The following HOMER2 variants were observed in gnomAD, a reference collection of about 807,000 sequenced individuals.
HOMER2 encodes homer scaffold protein 2.
HOMER2 carries 27 observed loss-of-function variants against 47.0 expected under a neutral mutation model. That is an observed-to-expected ratio of 0.57 (90% CI 0.42 to 0.79). The LOEUF is 0.79. HOMER2 is among the 30% of genes least tolerant of loss of function. The pLI is 0.00. For missense variants in HOMER2, 443 were observed against 435.0 expected (o/e 1.02, Z -0.16); for synonymous variants, 161 against 163.8 (o/e 0.98, Z 0.13).
intron 1 of HOMER2, among the ~76,000 whole-genome samples, chr15:82,963,411 A>G (rs1445321145): frequency 6.6e-6 from 1 of 152,108 alleles, no homozygotes; most frequent in African/African-American, 2.4e-5. Flanking sequence ...CTGAAATGAC[A>G]TGGACCCTTG....
intron 1 of HOMER2, among the ~76,000 whole-genome samples, chr15:82,900,245 G>A (rs1015470514): frequency 6.6e-6 from 1 of 152,066 alleles, no homozygotes; most frequent in Admixed American, 6.6e-5. Flanking sequence ...CTAGAATTGG[G>A]CCTATGAATT....
intron 1 of HOMER2, among the ~76,000 whole-genome samples, chr15:82,927,635 T>C (rs1301056235): frequency 6.6e-6 from 1 of 152,122 alleles, no homozygotes; most frequent in African/African-American, 2.4e-5. Context: ...TCAGTAAATA[T>C]TAGTTAACTG....
intron 4 of HOMER2, among the ~76,000 whole-genome samples, 178 bp downstream of exon 4, chr15:82,863,989 A>G (rs1448418657): frequency 2.6e-5 from 4 of 152,252 alleles, no homozygotes; most frequent in African/African-American, 9.6e-5. Flanking sequence ...ATACAGTACC[A>G]CATCCTAAAA....
At chr15:82,851,110 T>C in intron 8 of HOMER2, 41 bp downstream of exon 8, 1 of 1,317,158 alleles carries the variant, frequency 7.6e-7, no homozygotes, top group Non-Finnish European at 1.1e-6. Context: ...ATTTGTGCCT[T>C]CTTGTCTGAG....
At chr15:82,955,662 C>T (rs974351221), upstream of HOMER2, among the ~76,000 whole-genome samples, 3 of 152,002 alleles carry the variant, frequency 2.0e-5, no homozygotes, top group African/African-American at 7.3e-5. Context: ...GGATAACTGT[C>T]GGGTATTATG....
chr15:82,947,605 C>T (rs1423466333), intron 1 of HOMER2, among the ~76,000 whole-genome samples: 1 of 152,168 alleles, frequency 6.6e-6, no homozygotes, highest in Non-Finnish European at 1.5e-5. Context: ...CGAAAATTAA[C>T]CCACATCACA....
exon 2 of HOMER2, chr15:82,843,605 AC>A: frequency 6.6e-6 from 1 of 151,864 alleles, no homozygotes; most frequent in East Asian, 1.9e-4. Context: ...CATACGTGCA[AC>A]TTAAAATTTT....
chr15:82,930,900 C>A (rs2053989909), intron 1 of HOMER2, among the ~76,000 whole-genome samples: 1 of 151,310 alleles, frequency 6.6e-6, no homozygotes, highest in African/African-American at 2.5e-5. Flanking sequence ...GTGGCGGGCA[C>A]CTGTAATCCC....
At chr15:82,972,489 C>T (rs949088800) in intron 1 of HOMER2, among the ~76,000 whole-genome samples, 1 of 152,154 alleles carries the variant, frequency 6.6e-6, no homozygotes, top group Non-Finnish European at 1.5e-5. Flanking sequence ...AGCTGGATTA[C>T]AGGCATGTGC....
At chr15:82,923,860 A>G (rs1221493524) in intron 1 of HOMER2, among the ~76,000 whole-genome samples, 1 of 152,046 alleles carries the variant, frequency 6.6e-6, no homozygotes, top group Non-Finnish European at 1.5e-5. Context: ...ACCCTTCCCA[A>G]TGCGCCCTGC....
chr15:82,869,396 T>C (rs1361538868), intron 3 of HOMER2, among the ~76,000 whole-genome samples: 1 of 145,592 alleles, frequency 6.9e-6, no homozygotes, highest in Non-Finnish European at 1.5e-5. Flanking sequence ...TCTTTTGAAA[T>C]AAACAATATG....
chr15:82,853,109 A>C (rs1268104925), intron 6 of HOMER2, among the ~76,000 whole-genome samples: 1 of 152,200 alleles, frequency 6.6e-6, no homozygotes, highest in Non-Finnish European at 1.5e-5. Context: ...GGCTGCACCA[A>C]GCCTTGGGGT....
chr15:82,957,350 A>G (rs1422837535), upstream of HOMER2, among the ~76,000 whole-genome samples: 1 of 152,078 alleles, frequency 6.6e-6, no homozygotes, highest in African/African-American at 2.4e-5. Context: ...AGTATAGTAC[A>G]TCTTCAATAC....
At chr15:82,869,856 A>G (rs917508692) in intron 3 of HOMER2, among the ~76,000 whole-genome samples, 1 of 152,132 alleles carries the variant, frequency 6.6e-6, no homozygotes, top group Non-Finnish European at 1.5e-5. Flanking sequence ...AATTTTTTTT[A>G]TGTTATAAAT....
At chr15:82,923,950 C>T (rs1364998176) in intron 1 of HOMER2, among the ~76,000 whole-genome samples, 1 of 152,170 alleles carries the variant, frequency 6.6e-6, no homozygotes, top group Non-Finnish European at 1.5e-5. Flanking sequence ...TGCCGTGTCT[C>T]AGCCAGAATT....
intron 1 of HOMER2, among the ~76,000 whole-genome samples, chr15:82,984,414 T>C (rs1395713158): frequency 6.6e-6 from 1 of 152,228 alleles, no homozygotes; most frequent in African/African-American, 2.4e-5. Context: ...CCCTCATCCA[T>C]ACTATCCTAT....
intron 1 of HOMER2, among the ~76,000 whole-genome samples, chr15:82,906,198 G>C (rs1268799060): frequency 6.6e-6 from 1 of 152,074 alleles, no homozygotes; most frequent in Non-Finnish European, 1.5e-5. Flanking sequence ...GATATGCTAA[G>C]AAAGGAGAAG....
chr15:82,897,967 G>C (rs557555940), intron 1 of HOMER2, among the ~76,000 whole-genome samples: 1 of 152,348 alleles, frequency 6.6e-6, no homozygotes, highest in African/African-American at 2.4e-5. Context: ...GTATGTGACA[G>C]TTTATTACGT....
intron 1 of HOMER2, among the ~76,000 whole-genome samples, chr15:82,962,534 G>A (rs541904706): frequency 2.0e-4 from 30 of 151,860 alleles, no homozygotes; most frequent in Admixed American, 1.7e-3. Context: ...AAAATTAGCC[G>A]GGTTTGGTGG....
Sources: gnomAD v4.1 joint callset for allele counts (sites outside exome capture counted in the v4.1 genomes callset) on GRCh38, gnomAD v4.1.1 for gene constraint, MANE v1.5 for transcripts, NCBI Gene and HGNC (gene_info 2026-07-23, HGNC 2026-07-21) for gene names.